CDKAL1: variants seen among roughly 807,000 people sequenced by gnomAD.
The protein encoded by CDKAL1 is CDKAL1 threonylcarbamoyladenosine tRNA methylthiotransferase.
In CDKAL1, 32 loss-of-function variants were observed where a neutral mutation model predicts 68.2. That is an observed-to-expected ratio of 0.47 (90% CI 0.35 to 0.63). The LOEUF is 0.63. Among genes scored for constraint, CDKAL1 ranks in the 30% least tolerant of loss-of-function variants. The pLI is 0.00. For synonymous variants in CDKAL1, 234 were observed against 244.3 expected (o/e 0.96, Z 0.39); for missense variants, 606 against 696.7 (o/e 0.87, Z 1.47).
At chr6:20,804,818 C>T (rs1434276804) in intron 8 of CDKAL1, among the ~76,000 whole-genome samples, 1 of 152,080 alleles carries the variant, frequency 6.6e-6, no homozygotes, top group African/African-American at 2.4e-5. Context: ...TTTCCCTAAG[C>T]TGATAAAAGC....
At chr6:20,617,875 C>T (rs1766993338) in intron 4 of CDKAL1, among the ~76,000 whole-genome samples, 1 of 152,192 alleles carries the variant, frequency 6.6e-6, no homozygotes, top group Non-Finnish European at 1.5e-5. Flanking sequence ...CCGCAATAAA[C>T]ATACATGTAC....
At chr6:21,207,862 A>T (rs1004628831) in intron 15 of CDKAL1, among the ~76,000 whole-genome samples, 7 of 152,218 alleles carry the variant, frequency 4.6e-5, no homozygotes, top group African/African-American at 1.7e-4. Context: ...TGTTGTATTC[A>T]TCAGCCATAG....
chr6:20,587,552 G>A (rs945287690), intron 4 of CDKAL1, among the ~76,000 whole-genome samples: 2 of 151,890 alleles, frequency 1.3e-5, no homozygotes, highest in African/African-American at 4.8e-5. Context: ...GGGCAGCGTA[G>A]TGAGACCCTA....
intron 9 of CDKAL1, among the ~76,000 whole-genome samples, chr6:20,934,068 G>A (rs979454018): frequency 2.4e-4 from 36 of 151,978 alleles, no homozygotes; most frequent in African/African-American, 8.7e-4. Flanking sequence ...AATAGATTTC[G>A]ATTGACACAG....
At chr6:20,571,236 A>T (rs1275890033) in intron 4 of CDKAL1, among the ~76,000 whole-genome samples, 2 of 152,186 alleles carry the variant, frequency 1.3e-5, no homozygotes, top group Non-Finnish European at 2.9e-5. Context: ...CAAGCCATGT[A>T]ATCTCCCTGA....
At chr6:20,956,414 T>A (rs952664196) in intron 10 of CDKAL1, among the ~76,000 whole-genome samples, 2 of 152,124 alleles carry the variant, frequency 1.3e-5, no homozygotes, top group African/African-American at 2.4e-5. Flanking sequence ...ACCATATAAA[T>A]GAAGAAGTAC....
rs780350506 is a variant in CDKAL1 at position 20,548,578 on chromosome 6, T to C, written c.174-15T>C. ...AATGAAACTTACTTTTTTTTTTTTA[T>C]TGATTCCTTAACAGCACTATTCCAG... On this transcript the variant is annotated splice_polypyrimidine_tract_variant and intron_variant, in intron 3 of 15. Transcript: ENST00000274695. 9.8e-6 allele frequency: 11 copies of C among 1,119,002 alleles called. No homozygotes were observed. In the East Asian group the frequency reaches 2.1e-4, roughly 21 times the overall value. The allele number at this position is 1,119,002 out of a possible 1,614,324, so 69.3% of individuals were successfully genotyped here.
At chr6:21,137,338 T>C (rs1020426854) in intron 13 of CDKAL1, among the ~76,000 whole-genome samples, 5 of 152,244 alleles carry the variant, frequency 3.3e-5, no homozygotes, top group African/African-American at 1.2e-4. Context: ...ATATTACTAG[T>C]TATGAGTTAT....
chr6:20,712,515 A>AT (rs1771893066), intron 5 of CDKAL1, among the ~76,000 whole-genome samples: 2 of 152,010 alleles, frequency 1.3e-5, no homozygotes, highest in Non-Finnish European at 2.9e-5. Context: ...AAAAAAAAAA[A>AT]AGAAGTGAAA....
chr6:21,104,245 G>A (rs1472322667), intron 12 of CDKAL1, among the ~76,000 whole-genome samples: 1 of 152,124 alleles, frequency 6.6e-6, no homozygotes, highest in Non-Finnish European at 1.5e-5. Flanking sequence ...CTGAAAACAA[G>A]ACAGCTAATT....
chr6:20,953,983 ATTCT>A (rs746381409), intron 9 of CDKAL1, among the ~76,000 whole-genome samples: 61 of 152,200 alleles, frequency 4.0e-4, no homozygotes, highest in Admixed American at 7.9e-4. Flanking sequence ...TAAGTTATTG[ATTCT>A]TTAATTTGGG....
intron 4 of CDKAL1, among the ~76,000 whole-genome samples, chr6:20,609,635 A>C (rs963705330): frequency 6.6e-6 from 1 of 151,852 alleles, no homozygotes; most frequent in Non-Finnish European, 1.5e-5. Flanking sequence ...ACTTCAAGTG[A>C]TCTGCCCACC....
chr6:20,819,408 A>G (rs544386295), intron 8 of CDKAL1, among the ~76,000 whole-genome samples: 27 of 152,262 alleles, frequency 1.8e-4, no homozygotes, highest in African/African-American at 6.3e-4. Context: ...CCAGGCCTCT[A>G]TGAATATGAT....
At chr6:21,191,761 A>T (rs1235120186) in intron 13 of CDKAL1, among the ~76,000 whole-genome samples, 2 of 29,280 alleles carry the variant, frequency 6.8e-5, no homozygotes, top group African/African-American at 5.4e-4. Context: ...GGTTTTCATT[A>T]AAAAAAAAAA....
chr6:20,603,110 G>T (rs973494059), intron 4 of CDKAL1, among the ~76,000 whole-genome samples: 1 of 152,170 alleles, frequency 6.6e-6, no homozygotes, highest in Non-Finnish European at 1.5e-5. Context: ...CTTTTTCTGT[G>T]TATTATTTGG....
Position 20,578,238 on chromosome 6 carries a change from A to AT in CDKAL1, c.286+29541dup, listed in dbSNP as rs199705848. ...AGATCTTAAGCATTCAGTTGAGTGA[A>AT]TTTTTTTTCCCATTTATGCACCTAT... On this transcript the variant is annotated intron_variant, in intron 4 of 15. Coordinates refer to ENST00000274695, the MANE Select transcript of CDKAL1 (RefSeq NM_017774.3). Among the ~76,000 whole-genome samples the AT allele has an allele frequency of 1.6e-3, 249 of 152,124 alleles. 2 individuals are homozygous for AT. Among genetic ancestry groups the AT allele is most frequent in the African/African-American group, 5.5e-3 (229 of 41,500 alleles).
intron 7 of CDKAL1, among the ~76,000 whole-genome samples, chr6:20,764,501 A>T (rs1268335235): frequency 6.6e-6 from 1 of 152,186 alleles, no homozygotes; most frequent in East Asian, 1.9e-4. Flanking sequence ...GTCACCAAGC[A>T]GCTTTCTTAT....
chr6:20,948,791 GA>G (rs1249108376), intron 9 of CDKAL1, among the ~76,000 whole-genome samples: 2 of 152,214 alleles, frequency 1.3e-5, no homozygotes, highest in African/African-American at 4.8e-5. Flanking sequence ...GTGGTATTAA[GA>G]GGATAAACTT....
At chr6:20,937,213 G>A (rs768242769) in intron 9 of CDKAL1, among the ~76,000 whole-genome samples, 11 of 151,952 alleles carry the variant, frequency 7.2e-5, no homozygotes, top group Non-Finnish European at 1.3e-4. Context: ...TTCAGCTCCT[G>A]GGCTGGGACT....
Sources: allele counts gnomAD v4.1 joint callset (sites outside exome capture counted in the v4.1 genomes callset), GRCh38; gene constraint gnomAD v4.1.1; transcripts MANE v1.5; gene names NCBI Gene and HGNC (gene_info 2026-07-23, HGNC 2026-07-21).